Variants in SYNPO2 observed in about 807,000 individuals in gnomAD.
SYNPO2 encodes synaptopodin-2.
Under a neutral mutation model 85.0 loss-of-function variants are expected in SYNPO2, and 56 were observed. The observed-to-expected ratio is 0.66, with a 90% CI of 0.53 to 0.82. The LOEUF is 0.82. Among genes scored for constraint, SYNPO2 ranks in the 40% least tolerant of loss-of-function variants. SYNPO2 has a pLI of 0.00. For synonymous variants in SYNPO2, 602 were observed against 591.1 expected, an observed-to-expected ratio of 1.02 and a Z score of -0.27; for missense variants, 1,575 against 1,534.2, an observed-to-expected ratio of 1.03 and a Z score of -0.44.
chr4:118,896,959 T>TA (rs58815664), intron 1 of SYNPO2, among the ~76,000 whole-genome samples: 16,994 of 147,814 alleles, frequency 0.11, 1,151 homozygotes, highest in East Asian at 0.17. Flanking sequence ...GCTGGATTGA[T>TA]AAAAAAAAAA....
At chr4:118,911,631 C>T (rs1028538955) in intron 1 of SYNPO2, among the ~76,000 whole-genome samples, 2 of 152,090 alleles carry the variant, frequency 1.3e-5, no homozygotes, top group African/African-American at 2.4e-5. Flanking sequence ...TGCATGAAGT[C>T]TCTGTGTAAG....
intron 1 of SYNPO2, among the ~76,000 whole-genome samples, chr4:118,914,594 T>C (rs370111337): frequency 6.6e-6 from 1 of 151,848 alleles, no homozygotes; most frequent in African/African-American, 2.4e-5. Context: ...TCTGGGAGGG[T>C]TTTTTTGTGA....
At chr4:118,922,996 A>G (rs1300698125) in intron 1 of SYNPO2, among the ~76,000 whole-genome samples, 3 of 152,190 alleles carry the variant, frequency 2.0e-5, no homozygotes. Context: ...AAATCTTTAA[A>G]ATAAGATAAT....
At chr4:118,966,373 C>T (rs1222792014) in intron 1 of SYNPO2, among the ~76,000 whole-genome samples, 2 of 152,202 alleles carry the variant, frequency 1.3e-5, no homozygotes, top group Non-Finnish European at 2.9e-5. Context: ...CCCATTTTAG[C>T]TTCTGGGTAG....
At chr4:118,883,675 T>G (rs1732150709) in intron 1 of SYNPO2, among the ~76,000 whole-genome samples, 1 of 152,098 alleles carries the variant, frequency 6.6e-6, no homozygotes, top group South Asian at 2.1e-4. Context: ...CAACATGACT[T>G]TAGCCATTTT....
chr4:119,023,275 A>G (rs952109930), intron 1 of SYNPO2, among the ~76,000 whole-genome samples, 155 bp from the exon 2 acceptor site: 2 of 152,164 alleles, frequency 1.3e-5, no homozygotes, highest in African/African-American at 4.8e-5. Flanking sequence ...TGTGTTCATA[A>G]GGTGGTAAGA....
chr4:118,899,688 T>G (rs1732654087), intron 1 of SYNPO2, among the ~76,000 whole-genome samples: 1 of 152,226 alleles, frequency 6.6e-6, no homozygotes, highest in African/African-American at 2.4e-5. Flanking sequence ...GTCTACCCTT[T>G]GTTCTTACAA....
chr4:118,852,560 T>C lies in SYNPO2; in HGVS notation c.12+1620T>C, dbSNP rs144419434. 6.1e-3 allele frequency among the ~76,000 whole-genome samples: 930 copies of C among 152,332 alleles called. 11 individuals carry two copies. Among genetic ancestry groups the C allele is most frequent in the African/African-American group, 0.021 (881 of 41,562 alleles). Reference sequence around the variant, plus strand: ...CAGCCATAAAAAAAGAACAGTATCATGTCTTTTGCAGGGACATGGATGAAT... The same window carrying C: ...CAGCCATAAAAAAAGAACAGTATCACGTCTTTTGCAGGGACATGGATGAAT... On this transcript the variant is annotated intron_variant, in intron 1 of 4. Coordinates refer to the SYNPO2 transcript ENST00000610556.
At chr4:118,865,360 T>G (rs1369639670) in intron 1 of SYNPO2, among the ~76,000 whole-genome samples, 1 of 152,214 alleles carries the variant, frequency 6.6e-6, no homozygotes, top group Admixed American at 6.5e-5. Context: ...GAAAGGCGAT[T>G]TGAGATTTTT....
chr4:118,879,528 A>G (rs903215208), intron 1 of SYNPO2, among the ~76,000 whole-genome samples: 11 of 152,216 alleles, frequency 7.2e-5, no homozygotes, highest in African/African-American at 2.7e-4. Context: ...GAAGACAGTC[A>G]TCTACAAACC....
At chr4:118,884,472 C>T (rs1001058403), upstream of SYNPO2, among the ~76,000 whole-genome samples, 6 of 152,178 alleles carry the variant, frequency 3.9e-5, no homozygotes, top group African/African-American at 1.4e-4. Flanking sequence ...TTGATTTTGG[C>T]TCAGGTTTTG....
chr4:118,946,834 C>T (rs527774337), intron 1 of SYNPO2, among the ~76,000 whole-genome samples: 8 of 152,072 alleles, frequency 5.3e-5, no homozygotes, highest in African/African-American at 1.4e-4. Flanking sequence ...GAATGCTATG[C>T]GTGTTTTAAG....
chr4:118,966,069 C>A (rs924712317), intron 1 of SYNPO2, among the ~76,000 whole-genome samples: 1 of 152,034 alleles, frequency 6.6e-6, no homozygotes, highest in Non-Finnish European at 1.5e-5. Context: ...AATAAATAAG[C>A]CCATACCTCA....
intron 1 of SYNPO2, among the ~76,000 whole-genome samples, chr4:118,975,570 G>T (rs114254851): frequency 6.6e-6 from 1 of 152,168 alleles, no homozygotes; most frequent in Non-Finnish European, 1.5e-5. Context: ...CCCCAGGAAG[G>T]AGGAGGAGGT....
chr4:118,863,629 T>G (rs998920133), intron 1 of SYNPO2, among the ~76,000 whole-genome samples: 2 of 152,154 alleles, frequency 1.3e-5, no homozygotes, highest in Admixed American at 6.5e-5. Context: ...CTTTTTTTTT[T>G]GAGATAGAGC....
intron 1 of SYNPO2, among the ~76,000 whole-genome samples, chr4:118,977,693 C>T (rs1342266821): frequency 1.3e-5 from 2 of 152,230 alleles, no homozygotes; most frequent in African/African-American, 4.8e-5. Flanking sequence ...AGAAATCAGA[C>T]ATGTCTGGAT....
At chr4:118,881,458 C>T (rs374578370) in intron 1 of SYNPO2, among the ~76,000 whole-genome samples, 6 of 152,250 alleles carry the variant, frequency 3.9e-5, no homozygotes, top group African/African-American at 1.2e-4. Context: ...ATTTCCAGAC[C>T]CCCAAATGTG....
chr4:118,957,397 T>TAAGA (rs1395249263), intron 1 of SYNPO2, among the ~76,000 whole-genome samples: 1 of 152,230 alleles, frequency 6.6e-6, no homozygotes, highest in Admixed American at 6.5e-5. Context: ...ACCTACTGTG[T>TAAGA]AAGAGTATGT....
chr4:119,012,509 G>C (rs2149179806), intron 1 of SYNPO2, among the ~76,000 whole-genome samples: 1 of 151,588 alleles, frequency 6.6e-6, no homozygotes, highest in Non-Finnish European at 1.5e-5. Context: ...TTTAAGCCCT[G>C]CATGGATTAG....
Sources: gnomAD v4.1 joint callset for allele counts (sites outside exome capture counted in the v4.1 genomes callset) on GRCh38, gnomAD v4.1.1 for gene constraint, MANE v1.5 for transcripts, NCBI Gene and HGNC (gene_info 2026-07-23, HGNC 2026-07-21) for gene names.